The following ADCY7 variants were observed in gnomAD, a reference collection of about 807,000 sequenced individuals.
ADCY7 encodes the protein adenylate cyclase type 7.
A neutral mutation model predicts 120.6 loss-of-function variants in ADCY7; 72 were observed. The observed-to-expected ratio is 0.60, with a 90% CI of 0.49 to 0.73. ADCY7 has a LOEUF of 0.73. Among genes scored for constraint, ADCY7 ranks in the 30% least tolerant of loss-of-function variants. The pLI is 0.00. For synonymous variants in ADCY7, 661 were observed against 628.0 expected (o/e 1.05, Z -0.78); for missense variants, 1,227 against 1,486.0 (o/e 0.83, Z 2.87).
chr16:50,298,894 C>A lies in ADCY7; in HGVS notation c.949-10C>A. ...TCTTCCAGTGACCAGGCCCTTCCCTCACCCTGCAGGCCAACGAGTGCATGC... is the reference window on the plus strand; with the variant it reads ...TCTTCCAGTGACCAGGCCCTTCCCTAACCCTGCAGGCCAACGAGTGCATGC... On this transcript the variant is annotated splice_polypyrimidine_tract_variant and intron_variant, in intron 7 of 25. Coordinates refer to ENST00000673801, the MANE Select transcript of ADCY7 (RefSeq NM_001114.5). 3 of 1,611,876 alleles carry A rather than the reference C, an allele frequency of 1.9e-6. No homozygotes were observed. Among genetic ancestry groups the A allele is most frequent in the Non-Finnish European group, 2.5e-6 (3 of 1,178,608 alleles).
intron 6 of ADCY7, 119 bp from the exon 7 acceptor site, chr16:50,294,521 G>T: frequency 1.6e-6 from 1 of 633,558 alleles, no homozygotes. Context: ...GAGGAAGGAC[G>T]GGGGTGAATG....
chr16:50,266,896 C>G (rs1309077676), intron 1 of ADCY7, among the ~76,000 whole-genome samples: 1 of 152,158 alleles, frequency 6.6e-6, no homozygotes, highest in African/African-American at 2.4e-5. Flanking sequence ...GGCGACTTGT[C>G]ACTGGCTTTT....
chr16:50,282,558 G>A (rs769315970), intron 1 of ADCY7, among the ~76,000 whole-genome samples: 6 of 152,182 alleles, frequency 3.9e-5, no homozygotes, highest in Admixed American at 6.5e-5. Flanking sequence ...GAAGTAATTC[G>A]ATGGGGTCCC....
Position 50,313,992 on chromosome 16 carries a change from A to G in ADCY7, c.2786A>G (p.Lys929Arg). The G allele has an allele frequency of 6.2e-7, 1 of 1,614,136 alleles. No individual in the cohort carries two copies. The highest frequency in any genetic ancestry group is 8.5e-7 in the Non-Finnish European group (1 of 1,179,956). Residue 929 changes from lysine (K) to arginine (R), a missense_variant, in exon 23 of 26, where the codon AAG (lysine) becomes AGG (arginine). This residue lies in a region of ADCY7 where 244 missense variants were observed against 332.8 expected (regional missense o/e 0.73). Coordinates refer to ENST00000673801, the MANE Select transcript of ADCY7 (RefSeq NM_001114.5). ...LLKPKFSGVE[K>R]IKTIGSTYMA... ...AAGCCCAAGTTCAGCGGCGTGGAGA[A>G]GATCAAGACCATCGGCAGCACGTAC... is the stretch of plus-strand genomic sequence containing the variant.
intron 19 of ADCY7, among the ~76,000 whole-genome samples, 160 bp from the exon 20 acceptor site, chr16:50,311,533 C>T (rs2036458487): frequency 6.6e-6 from 1 of 152,132 alleles, no homozygotes; most frequent in African/African-American, 2.4e-5. Flanking sequence ...CACCTCTCCC[C>T]TCCCCCCTTT....
At position 50,254,217 on chromosome 16, in the gene ADCY7, C is replaced by T. The variant is rs554547851; in HGVS notation, c.-64+8014C>T. ...ACAAGCCAACAGACACAGCAGCAGA[C>T]AGGGCAGCCCACCAGCACGCCACTC... On this transcript the variant is annotated intron_variant, in intron 1 of 4. Transcript: ENST00000564044. Among the ~76,000 whole-genome samples, 9 of 152,280 alleles carry T rather than the reference C, an allele frequency of 5.9e-5. No homozygotes were observed. In the East Asian group the frequency reaches 1.7e-3, roughly 29 times the overall value.
chr16:50,313,621 CA>C (rs2036611081), intron 22 of ADCY7: 1 of 277,854 alleles, frequency 3.6e-6, no homozygotes. Context: ...CGCTATCAAC[CA>C]AGCCAAACAG....
rs749541150 is a variant in ADCY7 at position 50,292,834 on chromosome 16, CG to C, written c.687+11del. On this transcript the variant is annotated intron_variant, in intron 5 of 25. Transcript: ENST00000673801. ...TCGAGAAGCGCCAGCAGGTGGGACC[CG>C]GCCCCCACTCCTCACCCTGTACACC... 6.2e-7 allele frequency: 1 copy of C among 1,612,246 alleles called. No homozygotes were observed. The highest frequency in any genetic ancestry group is 8.5e-7 in the Non-Finnish European group (1 of 1,179,672).
intron 1 of ADCY7, among the ~76,000 whole-genome samples, chr16:50,251,405 C>T (rs972854862): frequency 1.3e-5 from 2 of 152,134 alleles, no homozygotes; most frequent in African/African-American, 4.8e-5. Context: ...AACGTGTGTC[C>T]CATCTCCTGT....
intron 8 of ADCY7, among the ~76,000 whole-genome samples, chr16:50,299,466 C>A (rs729229): frequency 0.25 from 37,498 of 152,176 alleles, 4,997 homozygotes; most frequent in African/African-American, 0.32. Context: ...GGAGACCCCC[C>A]GCTCCCCTCT....
At chr16:50,304,063 T>C (rs1388382718) in intron 10 of ADCY7, among the ~76,000 whole-genome samples, 1 of 151,816 alleles carries the variant, frequency 6.6e-6, no homozygotes, top group African/African-American at 2.4e-5. Flanking sequence ...GAGCAGGGTA[T>C]GGGGTTGGGT....
chr16:50,293,571 GC>G, intron 6 of ADCY7, 69 bp downstream of exon 6: 1 of 1,553,194 alleles, frequency 6.4e-7, no homozygotes, highest in Non-Finnish European at 8.7e-7. Flanking sequence ...CCCCCAGGCG[GC>G]CTCCCCGCCC....
In ADCY7 at chr16:50,308,684, G is replaced by A. The variant is rs1159699808; in HGVS notation, c.1953G>A (p.Arg651=). 1 of 1,613,228 alleles carries A rather than the reference G, an allele frequency of 6.2e-7. No individual in the cohort carries two copies. The highest frequency in any genetic ancestry group is 2.2e-5 in the East Asian group (1 of 44,884). Residue 651 remains arginine (R), a synonymous_variant, in exon 17 of 26, where the codon CGG becomes CGA. Transcript: ENST00000673801. ...CCCCACAGAGGTGCTGCCCAGCTCG[G>A]GGGACGCTCTGCACTATCTCTGAGA... is the stretch of plus-strand genomic sequence containing the variant. ...ATKFSRCCPA[R]GTLCTISERV...
At chr16:50,309,496 C>T (rs754055568) in intron 17 of ADCY7, 52 bp from the exon 18 acceptor site, 43 of 1,500,536 alleles carry the variant, frequency 2.9e-5, no homozygotes, top group East Asian at 1.1e-4. Context: ...ATGGCTTGGG[C>T]AGGTTCCAGC....
rs368044444 is a variant in ADCY7, at chr16:50,255,402, G to GGAAAAAAAAAAAA, written c.-64+9199_-64+9200insGAAAAAAAAAAAA. Among the ~76,000 whole-genome samples the GGAAAAAAAAAAAA allele has an allele frequency of 4.7e-4, 51 of 108,120 alleles. 1 individual carries two copies. Among genetic ancestry groups the GGAAAAAAAAAAAA allele is most frequent in the African/African-American group, 1.8e-3 (50 of 27,160 alleles). The allele number at this position is 108,120 out of a possible 152,430, so 70.9% of individuals were successfully genotyped here. A position where few individuals can be genotyped will look rare whatever the true frequency, so the allele number is the denominator to read the frequency against. Reference sequence around the variant, plus strand: ...CCTGGCCCATAAGACTCTGTTTCTGGAAAAAAAAAAAAAAAAAAAGACGTA... The same window carrying GGAAAAAAAAAAAA: ...CCTGGCCCATAAGACTCTGTTTCTGGGAAAAAAAAAAAAAAAAAAAAAAAAAAAAAAAGACGTA... On this transcript the variant is annotated intron_variant, in intron 1 of 4. Transcript: ENST00000564044.
At chr16:50,265,828 A>G (rs917252629), upstream of ADCY7, among the ~76,000 whole-genome samples, 1 of 152,076 alleles carries the variant, frequency 6.6e-6, no homozygotes, top group African/African-American at 2.4e-5. Context: ...CTGTTTTGGG[A>G]GTCTCCACTC....
intron 17 of ADCY7, 38 bp from the exon 18 acceptor site, chr16:50,309,510 C>T: frequency 6.3e-7 from 1 of 1,575,072 alleles, no homozygotes; most frequent in South Asian, 1.1e-5. Context: ...TTCCAGCGTT[C>T]TTGTCCCTGG....
rs55791041 is a variant in ADCY7, at chr16:50,308,641, G to A, written c.1936-26G>A. On this transcript the variant is annotated intron_variant, in intron 16 of 25. Coordinates refer to ENST00000673801, the MANE Select transcript of ADCY7 (RefSeq NM_001114.5). Reference sequence around the variant, plus strand: ...CTCCTTGCCCAGGCTGTTGGCTCTGGGTGACTTGACCCTGTTACCCCACAG... The same window carrying A: ...CTCCTTGCCCAGGCTGTTGGCTCTGAGTGACTTGACCCTGTTACCCCACAG... The A allele has an allele frequency of 2.3e-3, 3,696 of 1,598,074 alleles. 9 individuals carry two copies. Among genetic ancestry groups the A allele is most frequent in the Admixed American group, 5.5e-3 (322 of 58,836 alleles).
intron 1 of ADCY7, among the ~76,000 whole-genome samples, chr16:50,248,600 C>A (rs187505921): frequency 1.9e-3 from 286 of 152,272 alleles, no homozygotes; most frequent in African/African-American, 6.4e-3. Context: ...TGGGGGAGTT[C>A]GTGGACAGAT....
Sources: gnomAD v4.1 joint callset for allele counts (sites outside exome capture counted in the v4.1 genomes callset) on GRCh38, gnomAD v4.1.1 for gene constraint, gnomAD v4.1.1 regional missense constraint, MANE v1.5 for transcripts, NCBI Gene and HGNC (gene_info 2026-07-23, HGNC 2026-07-21) for gene names.